Variants in RALGAPA2 observed in about 807,000 individuals in gnomAD.
RALGAPA2 encodes the protein Ral GTPase activating protein catalytic subunit alpha 2, also known as ral GTPase-activating protein subunit alpha-2.
RALGAPA2 carries 139 observed loss-of-function variants against 230.4 expected under a neutral mutation model. That is an observed-to-expected ratio of 0.60 (90% confidence interval 0.53 to 0.69). The LOEUF (loss-of-function observed/expected upper bound fraction) is 0.69. RALGAPA2 is among the 30% of genes least tolerant of loss of function. The pLI, the probability that RALGAPA2 is intolerant of heterozygous loss-of-function variation, is 0.00. For missense variants in RALGAPA2, 2,163 were observed against 2,276.0 expected, an observed-to-expected ratio of 0.95 and a Z score of 1.01; for synonymous variants, 847 against 837.8, an observed-to-expected ratio of 1.01 and a Z score of -0.19.
At chr20:20,493,677 T>C (rs1310695723) in intron 36 of RALGAPA2, among the ~76,000 whole-genome samples, 1 of 152,204 alleles carries the variant, frequency 6.6e-6, no homozygotes, top group African/African-American at 2.4e-5. Flanking sequence ...GAAACACATT[T>C]CCTCTTTTTG....
At position 20,619,355 on chromosome 20, in the gene RALGAPA2, G is replaced by A. The variant is rs377266152; in HGVS notation, c.1461C>T (p.Phe487=). 16 of 1,612,234 alleles carry A rather than the reference G, an allele frequency of 9.9e-6. No homozygotes were observed. The highest frequency in any genetic ancestry group is 1.3e-5 in the Non-Finnish European group (15 of 1,178,824). The change falls in exon 12 of 40, where the codon TTC becomes TTT. Residue 487 remains phenylalanine (F), a synonymous_variant. Transcript: ENST00000202677. Reference sequence around the variant, plus strand: ...CACACCCTCTGCTCATTGCACTTGTGAAGGAGTATGTGCGTCCCCAACTGG... The same window carrying A: ...CACACCCTCTGCTCATTGCACTTGTAAAGGAGTATGTGCGTCCCCAACTGG... ...RSSSWGRTYS[F]TSAMSRGCVT...
intron 36 of RALGAPA2, among the ~76,000 whole-genome samples, chr20:20,489,109 G>A (rs2061985967): frequency 6.6e-6 from 1 of 152,186 alleles, no homozygotes; most frequent in Non-Finnish European, 1.5e-5. Flanking sequence ...TGGTGGGTTT[G>A]AAGAAAATGT....
At chr20:20,624,761 G>A (rs73294710) in intron 10 of RALGAPA2, among the ~76,000 whole-genome samples, 1,692 of 152,060 alleles carry the variant, frequency 0.011, 30 homozygotes, top group African/African-American at 0.039. Flanking sequence ...AAATCTTTCA[G>A]CAATTAATAC....
At chr20:20,625,197 AC>A (rs2066453716) in intron 10 of RALGAPA2, among the ~76,000 whole-genome samples, 1 of 151,096 alleles carries the variant, frequency 6.6e-6, no homozygotes, top group South Asian at 2.1e-4. Flanking sequence ...TCACCTGTAC[AC>A]CCCCCTGTCT....
chr20:20,485,480 T>C (rs2123502385), intron 36 of RALGAPA2, among the ~76,000 whole-genome samples: 1 of 152,354 alleles, frequency 6.6e-6, no homozygotes, highest in South Asian at 2.1e-4. Flanking sequence ...TGACATGTAT[T>C]TTATTCATTG....
At chr20:20,508,071 C>T (rs1448996070) in intron 33 of RALGAPA2, among the ~76,000 whole-genome samples, 2 of 152,088 alleles carry the variant, frequency 1.3e-5, no homozygotes, top group African/African-American at 4.8e-5. Flanking sequence ...GTCCTTGAGC[C>T]CTCATTAACT....
chr20:20,672,424 A>T (rs946325572), intron 3 of RALGAPA2, among the ~76,000 whole-genome samples: 1 of 152,252 alleles, frequency 6.6e-6, no homozygotes, highest in Non-Finnish European at 1.5e-5. Context: ...ATAAAATAAA[A>T]GATGTCTAAA....
rs2064651986 is a variant in RALGAPA2, at chr20:20,571,870, A to T, written c.2978T>A (p.Met993Lys). ...TGCCTTAAACAGCCATGATGCAAAC[A>T]TTCTGAGTGGTGGGATCAAAACTGG... ...SPPVLIPPLRMFASWLFKAAT... is the reference protein window; with the variant it reads ...SPPVLIPPLRKFASWLFKAAT... Residue 993 changes from methionine to lysine, a missense_variant, in exon 22 of 40, where the codon ATG (methionine) becomes AAG (lysine). Coordinates refer to ENST00000202677, the MANE Select transcript of RALGAPA2 (RefSeq NM_020343.4). 1.2e-6 allele frequency: 2 copies of T among 1,611,102 alleles called. No homozygotes were observed. Among genetic ancestry groups the T allele is most frequent in the African/African-American group, 2.7e-5 (2 of 74,894 alleles).
chr20:20,653,592 TA>T lies in RALGAPA2; in HGVS notation c.271-6del, dbSNP rs769582629. 23 of 1,429,264 alleles carry T rather than the reference TA, an allele frequency of 1.6e-5. No individual in the cohort carries two copies. Among genetic ancestry groups the T allele is most frequent in the Non-Finnish European group, 1.8e-5 (19 of 1,043,874 alleles). 88.5% of individuals were successfully genotyped at this position (1,429,264 alleles called of 1,614,324 possible). ...AGGTAGAAACTGCAGTATTTTCTATTAAAAAAAGATATAAAGAAAATAAACA... is the reference window on the plus strand; with the variant it reads ...AGGTAGAAACTGCAGTATTTTCTATTAAAAAAGATATAAAGAAAATAAACA... On this transcript the variant is annotated splice_region_variant and splice_polypyrimidine_tract_variant and intron_variant, in intron 3 of 39. Transcript: ENST00000202677.
In RALGAPA2 at chr20:20,629,054, C is replaced by G. The variant is rs370393439; in HGVS notation, c.1233+309G>C. Among the ~76,000 whole-genome samples the G allele has an allele frequency of 1.6e-4, 24 of 152,254 alleles. 3 individuals are homozygous for G. The highest frequency in any genetic ancestry group is 5.8e-4 in the African/African-American group (24 of 41,544). On this transcript the variant is annotated intron_variant, in intron 10 of 39. Transcript: ENST00000202677. ...CTGGGTATTCAGGAACGGCTTTCTT[C>G]CCACCTAACTCTGGGTTTACTTTGT...
chr20:20,644,473 T>C (rs534934968), intron 4 of RALGAPA2, among the ~76,000 whole-genome samples: 1 of 152,302 alleles, frequency 6.6e-6, no homozygotes, highest in South Asian at 2.1e-4. Context: ...TAAATACATA[T>C]ATAATAACTA....
chr20:20,571,589 T>C lies in RALGAPA2; in HGVS notation c.3025A>G (p.Lys1009Glu). The C allele has an allele frequency of 1.9e-6, 3 of 1,611,508 alleles. No individual in the cohort carries two copies. The highest frequency in any genetic ancestry group is 2.5e-6 in the Non-Finnish European group (3 of 1,178,884). The change falls in exon 23 of 40, where the codon AAG (lysine) becomes GAG (glutamate). Residue 1009 changes from lysine to glutamate, a missense_variant. Transcript: ENST00000202677. ...CTGTAGGCTTGTAGTTTGCCTTCCT[T>C]ATATTCATTTGGCAGTGTCGCCGCC... ...FKAATLPNEY[K>E]EGKLQAYRLI...
At chr20:20,599,128 A>G (rs1158783068) in intron 16 of RALGAPA2, among the ~76,000 whole-genome samples, 1 of 152,148 alleles carries the variant, frequency 6.6e-6, no homozygotes, top group Non-Finnish European at 1.5e-5. Context: ...ATTTGCCTGG[A>G]CAGACATTAT....
At chr20:20,506,582 G>A (rs967951773) in intron 33 of RALGAPA2, among the ~76,000 whole-genome samples, 1 of 152,034 alleles carries the variant, frequency 6.6e-6, no homozygotes, top group Admixed American at 6.5e-5. Flanking sequence ...TTCCAGAGCG[G>A]TTCCAACTTT....
At position 20,680,749 on chromosome 20, in the gene RALGAPA2, C is replaced by T; in HGVS notation, c.159G>A (p.Gln53=). Residue 53 remains glutamine, a synonymous_variant, in exon 2 of 40, where the codon CAG becomes CAA. Transcript: ENST00000202677. ...LKQFFETNYS[Q]IYFIFYENFI... ...AATTTTCATAGAAGATGAAATATAT[C>T]TGAGAATAGTTGGTCTCAAAAAACT... 1 of 1,587,044 alleles carries T rather than the reference C, an allele frequency of 6.3e-7. No individual in the cohort carries two copies. Among genetic ancestry groups the T allele is most frequent in the Non-Finnish European group, 8.5e-7 (1 of 1,170,750 alleles).
At chr20:20,410,867 A>G (rs1602289227) in intron 38 of RALGAPA2, among the ~76,000 whole-genome samples, 1 of 152,062 alleles carries the variant, frequency 6.6e-6, no homozygotes, top group Non-Finnish European at 1.5e-5. Flanking sequence ...CTGCTCCTGC[A>G]CCTCTGCCAG....
At chr20:20,531,917 TAGC>T (rs1196917384) in intron 26 of RALGAPA2, 122 bp from the exon 27 acceptor site, 12 of 753,108 alleles carry the variant, frequency 1.6e-5, no homozygotes, top group Non-Finnish European at 2.1e-5. Flanking sequence ...ATAGATCTAT[TAGC>T]AGAATGTTTT....
intron 39 of RALGAPA2, among the ~76,000 whole-genome samples, chr20:20,393,909 T>C (rs2059650714): frequency 6.6e-6 from 1 of 152,192 alleles, no homozygotes; most frequent in South Asian, 2.1e-4. Context: ...ACCAAGCCAC[T>C]GTTGCGGGTG....
At chr20:20,449,099 T>C (rs917346280) in intron 37 of RALGAPA2, among the ~76,000 whole-genome samples, 4 of 152,222 alleles carry the variant, frequency 2.6e-5, no homozygotes, top group Non-Finnish European at 4.4e-5. Flanking sequence ...GGATGCTACC[T>C]ACGCTTGAAT....
Sources: gnomAD v4.1 joint callset for allele counts (sites outside exome capture counted in the v4.1 genomes callset) on GRCh38, gnomAD v4.1.1 for gene constraint, MANE v1.5 for transcripts, NCBI Gene and HGNC (gene_info 2026-07-23, HGNC 2026-07-21) for gene names.